Variants in VPS41 observed in about 807,000 individuals in gnomAD.
The protein encoded by VPS41 is vacuolar protein sorting-associated protein 41 homolog.
Under a neutral mutation model 130.9 loss-of-function variants are expected in VPS41, and 85 were observed. The observed-to-expected ratio is 0.65, with a 90% CI of 0.55 to 0.78. The LOEUF (loss-of-function observed/expected upper bound fraction) is 0.78. VPS41 is among the 30% of genes least tolerant of loss of function. VPS41 has a pLI of 0.00. For missense variants in VPS41, 874 were observed against 1,018.7 expected (o/e 0.86, Z 1.93); for synonymous variants, 335 against 332.9 (o/e 1.01, Z -0.07).
chr7:38,842,761 C>A (rs1164110619), intron 4 of VPS41, among the ~76,000 whole-genome samples: 1 of 152,240 alleles, frequency 6.6e-6, no homozygotes, highest in Admixed American at 6.5e-5. Context: ...TCAATGCAAG[C>A]ATCACCTCCT....
chr7:38,894,588 C>A (rs1257245457), intron 2 of VPS41, among the ~76,000 whole-genome samples: 1 of 152,102 alleles, frequency 6.6e-6, no homozygotes, highest in East Asian at 1.9e-4. Flanking sequence ...ATGTGCTAGG[C>A]TCTATATAAG....
Position 38,776,727 on chromosome 7 carries a change from A to C in VPS41, c.834T>G (p.Cys278Trp). The C allele has an allele frequency of 6.2e-7, 1 of 1,612,666 alleles. No homozygotes were observed. Residue 278 changes from cysteine to tryptophan, a missense_variant, in exon 11 of 29, where the codon TGT becomes TGG. By Grantham distance (215) the Cys-to-Trp change is radical (BLOSUM62 -2). Transcript: ENST00000310301. ...CATACGAAAGTACAACAAGCTGATC[A>C]CAGAGAGGTGCAAGTCCACTGATGT... ...EFYISGLAPL[C>W]DQLVVLSYVK...
At chr7:38,909,099 A>G in intron 1 of VPS41, 55 bp downstream of exon 1, 1 of 1,609,096 alleles carries the variant, frequency 6.2e-7, no homozygotes, top group Non-Finnish European at 8.5e-7. Flanking sequence ...CTCCCCAAAC[A>G]GCCCACCCTA....
intron 2 of VPS41, among the ~76,000 whole-genome samples, chr7:38,879,317 G>T (rs2116373616): frequency 6.6e-6 from 1 of 152,208 alleles, no homozygotes; most frequent in South Asian, 2.1e-4. Flanking sequence ...GCCTCACAGG[G>T]GTGAGGACTG....
intron 2 of VPS41, among the ~76,000 whole-genome samples, chr7:38,879,530 A>G (rs1786556974): frequency 6.6e-6 from 1 of 151,986 alleles, no homozygotes; most frequent in Non-Finnish European, 1.5e-5. Context: ...CTGCTGTAAG[A>G]CAGTGGTCCC....
intron 5 of VPS41, among the ~76,000 whole-genome samples, chr7:38,823,333 G>C (rs1785212924): frequency 6.6e-6 from 1 of 152,154 alleles, no homozygotes; most frequent in Admixed American, 6.5e-5. Flanking sequence ...TTGGAAGCAA[G>C]GAGAGCAGCC....
At chr7:38,849,957 T>C (rs761026940) in intron 4 of VPS41, among the ~76,000 whole-genome samples, 6 of 152,102 alleles carry the variant, frequency 3.9e-5, no homozygotes, top group Non-Finnish European at 5.9e-5. Context: ...CAAAATACAA[T>C]TTTCCCTTAG....
chr7:38,806,881 T>C (rs1420268724), intron 7 of VPS41, among the ~76,000 whole-genome samples: 1 of 152,124 alleles, frequency 6.6e-6, no homozygotes, highest in Admixed American at 6.5e-5. Flanking sequence ...TTGATGAATA[T>C]AAACAATTTC....
intron 4 of VPS41, among the ~76,000 whole-genome samples, chr7:38,855,087 T>C (rs1785952069): frequency 6.6e-6 from 1 of 151,780 alleles, no homozygotes; most frequent in African/African-American, 2.4e-5. Flanking sequence ...CACATGCCTG[T>C]AGTCCCAGCT....
In VPS41 at chr7:38,772,648, G is replaced by C; in HGVS notation, c.1013-11C>G. 1 of 1,573,700 alleles carries C rather than the reference G, an allele frequency of 6.4e-7. No individual in the cohort carries two copies. Among genetic ancestry groups the C allele is most frequent in the African/African-American group, 1.4e-5 (1 of 74,040 alleles). On this transcript the variant is annotated splice_polypyrimidine_tract_variant and intron_variant, in intron 12 of 28. Transcript: ENST00000310301. ...CCCCTTCAGAGTATTCTGTAGGTGAGAAAAGAGAGGAACGACTTGGTGACT... is the reference window on the plus strand; with the variant it reads ...CCCCTTCAGAGTATTCTGTAGGTGACAAAAGAGAGGAACGACTTGGTGACT...
At chr7:38,779,769 T>C (rs1488442035) in intron 10 of VPS41, among the ~76,000 whole-genome samples, 1 of 152,350 alleles carries the variant, frequency 6.6e-6, no homozygotes, top group East Asian at 1.9e-4. Context: ...AGGAATATTC[T>C]TCATATAGAT....
At chr7:38,761,684 A>C (rs1783925820) in intron 17 of VPS41, among the ~76,000 whole-genome samples, 1 of 151,912 alleles carries the variant, frequency 6.6e-6, no homozygotes, top group South Asian at 2.1e-4. Context: ...CTCAGCCTCT[A>C]GGGTCAAGTG....
intron 25 of VPS41, among the ~76,000 whole-genome samples, chr7:38,738,012 G>C (rs1320925042): frequency 3.3e-5 from 5 of 152,116 alleles, no homozygotes; most frequent in African/African-American, 1.2e-4. Context: ...TTTTTCTGGG[G>C]AAAACAGAGG....
At chr7:38,867,676 C>A (rs756580333) in intron 3 of VPS41, among the ~76,000 whole-genome samples, 25 of 152,192 alleles carry the variant, frequency 1.6e-4, no homozygotes, top group Non-Finnish European at 3.7e-4. Flanking sequence ...GAAATGACAT[C>A]ATCCTCTAAG....
Position 38,817,895 on chromosome 7 carries a change from C to T in VPS41, c.385-13G>A, listed in dbSNP as rs1394324989. 2 of 1,612,304 alleles carry T rather than the reference C, an allele frequency of 1.2e-6. No individual in the cohort carries two copies. Among genetic ancestry groups the T allele is most frequent in the Admixed American group, 1.7e-5 (1 of 60,026 alleles). ...GCACAGCAATAATCTACAAGAGAAA[C>T]AGAACCCAACTCTGGTTTAGGAGTC... is the stretch of plus-strand genomic sequence containing the variant. On this transcript the variant is annotated splice_polypyrimidine_tract_variant and intron_variant, in intron 6 of 28. Coordinates refer to ENST00000310301, the MANE Select transcript of VPS41 (RefSeq NM_014396.4).
intron 25 of VPS41, among the ~76,000 whole-genome samples, chr7:38,735,069 T>C (rs149915729): frequency 9.6e-4 from 146 of 152,342 alleles, no homozygotes; most frequent in African/African-American, 3.3e-3. Context: ...AAATTTCTAA[T>C]AGCACAAAGT....
chr7:38,728,726 C>T lies in VPS41; in HGVS notation c.2325G>A (p.Met775Ile). The part of the protein sequence containing the change: ...VADSLSLLKK[M>I]HRTQMKGVLV... The stretch of plus-strand genomic sequence containing the variant: ...GAACACCTTTCATTTGAGTTCGGTG[C>T]ATTTTCTTCAGTAAGGACAAAGAGT... The change falls in exon 26 of 29, where the codon ATG becomes ATA. Residue 775 changes from methionine to isoleucine, a missense_variant. Physicochemically the swap from Met to Ile is conservative, Grantham distance 10. Coordinates refer to ENST00000310301, the MANE Select transcript of VPS41 (RefSeq NM_014396.4). 6.2e-7 allele frequency: 1 copy of T among 1,614,146 alleles called. No individual in the cohort carries two copies. Among genetic ancestry groups the T allele is most frequent in the East Asian group, 2.2e-5 (1 of 44,866 alleles).
chr7:38,787,587 G>A lies in VPS41; in HGVS notation c.784+2214C>T, dbSNP rs2286079. Among the ~76,000 whole-genome samples the A allele has an allele frequency of 2.2e-4, 34 of 152,168 alleles. 1 individual carries two copies. The highest frequency in any genetic ancestry group is 3.4e-3 in the Middle Eastern group (1 of 294). On this transcript the variant is annotated intron_variant, in intron 10 of 28. Transcript: ENST00000310301. Reference sequence around the variant, plus strand: ...AGCCTATGTGATAGGAATAACTTTCGTGCTATTTTTGAGAGTCTGAGTTGT... The same window carrying A: ...AGCCTATGTGATAGGAATAACTTTCATGCTATTTTTGAGAGTCTGAGTTGT...
At chr7:38,765,871 A>T in intron 15 of VPS41, 1 of 431,720 alleles carries the variant, frequency 2.3e-6, no homozygotes, top group South Asian at 4.6e-5. Flanking sequence ...AACTTATAAA[A>T]GTTAATATAA....
Sources: gnomAD v4.1 joint callset for allele counts (sites outside exome capture counted in the v4.1 genomes callset) on GRCh38, gnomAD v4.1.1 for gene constraint, MANE v1.5 for transcripts, NCBI Gene and HGNC (gene_info 2026-07-23, HGNC 2026-07-21) for gene names.